Variants in ITPR2 observed in about 807,000 individuals in gnomAD.
The protein encoded by ITPR2 is inositol 1,4,5-trisphosphate receptor type 2, also known as inositol 1,4,5-trisphosphate-gated calcium channel ITPR2.
ITPR2 carries 207 observed loss-of-function variants against 317.1 expected under a neutral mutation model. The observed-to-expected ratio is 0.65, with a 90% CI of 0.58 to 0.73. The LOEUF (loss-of-function observed/expected upper bound fraction) is 0.73. Ranked by LOEUF, ITPR2 falls within the 30% of genes least tolerant of loss-of-function variation. The pLI, the probability that ITPR2 is intolerant of heterozygous loss-of-function variation, is 0.00. For missense variants in ITPR2, 2,613 were observed against 3,284.0 expected, an observed-to-expected ratio of 0.80 and a Z score of 4.99; for synonymous variants, 1,156 against 1,149.1, an observed-to-expected ratio of 1.01 and a Z score of -0.12.
intron 43 of ITPR2, 107 bp from the exon 44 acceptor site, chr12:26,477,114 G>C (rs1306256774): frequency 1.3e-5 from 8 of 633,728 alleles, no homozygotes; most frequent in Non-Finnish European, 2.2e-5. Flanking sequence ...TTAATCAAAC[G>C]GAATTTAAAA....
chr12:26,447,438 A>G lies in ITPR2; in HGVS notation c.6343-3788T>C, dbSNP rs530609305. ...GAAGGAAATAACCATTTTTAGTGGC[A>G]TCCTTTATTATCCATTTCACATTTA... is the stretch of plus-strand genomic sequence containing the variant. On this transcript the variant is annotated intron_variant, in intron 45 of 56. Transcript: ENST00000381340. Among the ~76,000 whole-genome samples the G allele has an allele frequency of 1.2e-3, 182 of 152,142 alleles. 1 individual carries two copies. The highest frequency in any genetic ancestry group is 4.1e-3 in the African/African-American group (171 of 41,552).
intron 45 of ITPR2, among the ~76,000 whole-genome samples, chr12:26,444,378 A>G (rs1352388): frequency 0.88 from 134,575 of 152,108 alleles, 59,612 homozygotes; most frequent in South Asian, 0.9. Context: ...ACCTTGCAAT[A>G]TCTTTCACTT....
At chr12:26,534,632 G>C (rs1944035876) in intron 37 of ITPR2, among the ~76,000 whole-genome samples, 1 of 152,156 alleles carries the variant, frequency 6.6e-6, no homozygotes, top group Non-Finnish European at 1.5e-5. Context: ...AGAGAATGGA[G>C]CTTCTCTCTC....
chr12:26,541,575 G>A (rs1944262897), intron 37 of ITPR2, among the ~76,000 whole-genome samples: 1 of 152,212 alleles, frequency 6.6e-6, no homozygotes, highest in Admixed American at 6.5e-5. Context: ...TGCAGTCTAT[G>A]TAGCATTTCT....
chr12:26,736,118 C>T (rs1368778341), intron 2 of ITPR2, among the ~76,000 whole-genome samples: 1 of 152,170 alleles, frequency 6.6e-6, no homozygotes, highest in South Asian at 2.1e-4. Context: ...ATTCTTTCTG[C>T]TCTGAAGGGT....
At chr12:26,386,946 C>T (rs892098022) in intron 55 of ITPR2, among the ~76,000 whole-genome samples, 2 of 151,968 alleles carry the variant, frequency 1.3e-5, no homozygotes, top group African/African-American at 4.8e-5. Context: ...TAAATCAATC[C>T]GAAGTATGTG....
intron 26 of ITPR2, among the ~76,000 whole-genome samples, chr12:26,616,851 T>C (rs1946384045): frequency 6.6e-6 from 1 of 152,172 alleles, no homozygotes; most frequent in African/African-American, 2.4e-5. Context: ...CTACTCAACA[T>C]GAAGATGATG....
intron 2 of ITPR2, among the ~76,000 whole-genome samples, chr12:26,782,027 TATATATGTATAGAGAGAG>T (rs1950099402): frequency 3.8e-5 from 1 of 26,286 alleles, no homozygotes; most frequent in Non-Finnish European, 7.9e-5. Flanking sequence ...TATATATATA[TATATATGTATAGAGAGAG>T]AGAGAGAGAG....
At chr12:26,816,592 T>C (rs147760744) in intron 1 of ITPR2, among the ~76,000 whole-genome samples, 9 of 152,308 alleles carry the variant, frequency 5.9e-5, no homozygotes, top group African/African-American at 1.7e-4. Context: ...AAGCCAGACA[T>C]AGTCACAGCC....
At chr12:26,501,222 A>G (rs1368840437) in intron 37 of ITPR2, among the ~76,000 whole-genome samples, 2 of 152,192 alleles carry the variant, frequency 1.3e-5, no homozygotes, top group Non-Finnish European at 2.9e-5. Flanking sequence ...TGGTATTAGC[A>G]TAATTTGTGT....
rs547497947 is a variant in ITPR2, at chr12:26,505,545, C to T, written c.5074-10285G>A. Among the ~76,000 whole-genome samples the T allele has an allele frequency of 6.6e-4, 100 of 152,286 alleles. 5 individuals are homozygous for T. The South Asian group carries it at 0.02, about 31-fold the overall frequency. On this transcript the variant is annotated intron_variant, in intron 37 of 56. Coordinates refer to ENST00000381340, the MANE Select transcript of ITPR2 (RefSeq NM_002223.4). ...CTTCCTCAGAGTCATCCTCTCTAAC[C>T]GCACCAAGTCAATTCTCATTAAGTC...
At chr12:26,526,356 G>C (rs1484125053) in intron 37 of ITPR2, among the ~76,000 whole-genome samples, 1 of 152,146 alleles carries the variant, frequency 6.6e-6, no homozygotes, top group Non-Finnish European at 1.5e-5. Flanking sequence ...AATAGCCAAG[G>C]GAATGGTATT....
intron 51 of ITPR2, among the ~76,000 whole-genome samples, chr12:26,414,724 C>T (rs1404038366): frequency 1.3e-5 from 2 of 152,100 alleles, no homozygotes; most frequent in African/African-American, 2.4e-5. Flanking sequence ...CCTAACCAGT[C>T]ACGACAAAAA....
chr12:26,483,984 T>G, intron 41 of ITPR2, 86 bp from the exon 42 acceptor site: 1 of 1,141,522 alleles, frequency 8.8e-7, no homozygotes, highest in Non-Finnish European at 1.3e-6. Context: ...TGTGCTTTTC[T>G]AACTTTTCTT....
chr12:26,490,709 A>G (rs1942780372), intron 39 of ITPR2, among the ~76,000 whole-genome samples: 1 of 152,220 alleles, frequency 6.6e-6, no homozygotes, highest in Non-Finnish European at 1.5e-5. Flanking sequence ...GCTACTCAGG[A>G]GGCTGAAGCA....
chr12:26,671,421 A>C (rs1480912191), intron 13 of ITPR2, among the ~76,000 whole-genome samples: 3 of 152,202 alleles, frequency 2.0e-5, no homozygotes, highest in Admixed American at 2.0e-4. Flanking sequence ...AAGAATTTTC[A>C]ACCCAGAATT....
intron 37 of ITPR2, among the ~76,000 whole-genome samples, chr12:26,503,465 G>A (rs1943119277): frequency 6.6e-6 from 1 of 152,174 alleles, no homozygotes; most frequent in Admixed American, 6.5e-5. Flanking sequence ...GGGAAACCTT[G>A]AGAATTAAAT....
intron 37 of ITPR2, among the ~76,000 whole-genome samples, chr12:26,505,766 A>C (rs917743035): frequency 6.6e-6 from 1 of 152,132 alleles, no homozygotes; most frequent in Non-Finnish European, 1.5e-5. Flanking sequence ...TACTCAATAA[A>C]TATTTTTGAC....
intron 10 of ITPR2, among the ~76,000 whole-genome samples, chr12:26,688,786 T>C (rs1331334018): frequency 6.6e-6 from 1 of 152,140 alleles, no homozygotes; most frequent in African/African-American, 2.4e-5. Context: ...CCAAGTCTTC[T>C]GAAAAAGTTA....
Sources: gnomAD v4.1 joint callset for allele counts (sites outside exome capture counted in the v4.1 genomes callset) on GRCh38, gnomAD v4.1.1 for gene constraint, MANE v1.5 for transcripts, NCBI Gene and HGNC (gene_info 2026-07-23, HGNC 2026-07-21) for gene names.